The following PLA2G6 variants were observed in gnomAD, a reference collection of about 807,000 sequenced individuals.
PLA2G6 encodes the protein 85/88 kDa calcium-independent phospholipase A2.
PLA2G6 carries 62 observed loss-of-function variants against 83.8 expected under a neutral mutation model. The observed-to-expected ratio is 0.74, with a 90% CI of 0.60 to 0.91. The LOEUF (loss-of-function observed/expected upper bound fraction) is 0.91. Among genes scored for constraint, PLA2G6 ranks in the 40% least tolerant of loss-of-function variants. The pLI, the probability that PLA2G6 is intolerant of heterozygous loss-of-function variation, is 0.00. For synonymous variants in PLA2G6, 417 were observed against 449.8 expected (o/e 0.93, Z 0.92); for missense variants, 944 against 1,102.0 (o/e 0.86, Z 2.03).
At chr22:38,131,424 A>T (rs1296390849) in intron 7 of PLA2G6, 2 of 152,144 alleles carry the variant, frequency 1.3e-5, no homozygotes, top group Non-Finnish European at 2.9e-5. Context: ...TAATATTTTG[A>T]AATTTTCACA....
At position 38,145,579 on chromosome 22, in the gene PLA2G6, T is replaced by C. The variant is rs1334321192; in HGVS notation, c.284A>G (p.Tyr95Cys). ...HQYSSQLLPF[Y>C]ESSPQVLHTE... is the part of the protein sequence containing the mutation. ...GTGCAGGACCTGAGGGGAGCTCTCA[T>C]AGAAGGGTAGCAGCTGGGAAGAATA... is the stretch of plus-strand genomic sequence containing the variant. The change falls in exon 3 of 17, where the codon TAT becomes TGT. Residue 95 changes from tyrosine to cysteine, a missense_variant. Coordinates refer to ENST00000332509, the MANE Select transcript of PLA2G6 (RefSeq NM_003560.4). 8 of 1,613,696 alleles carry C rather than the reference T, an allele frequency of 5.0e-6. No individual in the cohort carries two copies. Among genetic ancestry groups the C allele is most frequent in the Non-Finnish European group, 6.8e-6 (8 of 1,179,914 alleles).
intron 1 of PLA2G6, among the ~76,000 whole-genome samples, chr22:38,175,984 G>A (rs2090616486): frequency 6.6e-6 from 1 of 152,148 alleles, no homozygotes; most frequent in South Asian, 2.1e-4. Flanking sequence ...GGTGATAACA[G>A]GGACCACACA....
At chr22:38,172,537 A>G (rs529554329) in intron 1 of PLA2G6, among the ~76,000 whole-genome samples, 4 of 152,212 alleles carry the variant, frequency 2.6e-5, no homozygotes, top group South Asian at 2.1e-4. Context: ...CCTTTTCCCT[A>G]TTTTCCAGAT....
chr22:38,128,544 G>A lies in PLA2G6; in HGVS notation c.1187-114C>T, dbSNP rs2088012134. Reference sequence around the variant, plus strand: ...CCCCTGTCCCAGCTCCCAGGCCCTGGGCACGTGGGCTGCTCCAGAGGCCTC... The same window carrying A: ...CCCCTGTCCCAGCTCCCAGGCCCTGAGCACGTGGGCTGCTCCAGAGGCCTC... On this transcript the variant is annotated intron_variant, in intron 8 of 16. Coordinates refer to ENST00000332509, the MANE Select transcript of PLA2G6 (RefSeq NM_003560.4). The surrounding 1 kb of genome is among the most constrained non-coding windows in gnomAD (Gnocchi z 4.4). The A allele has an allele frequency of 2.5e-6, 3 of 1,178,930 alleles. No individual in the cohort carries two copies. The highest frequency in any genetic ancestry group is 2.7e-5 in the South Asian group (2 of 74,006). The allele number at this position is 1,178,930 out of a possible 1,614,324, so 73.0% of individuals were successfully genotyped here.
rs770332365 is a variant in PLA2G6 at position 38,132,981 on chromosome 22, G to T, written c.927C>A (p.Asn309Lys). 6.4e-7 allele frequency: 1 copy of T among 1,567,808 alleles called. No individual in the cohort carries two copies. The highest frequency in any genetic ancestry group is 8.6e-7 in the Non-Finnish European group (1 of 1,156,984). ...MARMLLKRGC[N>K]VNSTSSAGNT... is the part of the protein sequence containing the mutation. ...TCCCCGCGGAGCTGGTGCTGTTCAC[G>T]TTGCAGCCCCGTTTCAGCAGCATGC... Residue 309 changes from asparagine to lysine, a missense_variant, in exon 7 of 17, where the codon AAC (asparagine) becomes AAA (lysine). By Grantham distance (94) the Asn-to-Lys change is moderately conservative. Transcript: ENST00000332509. This position sits in a 1 kb window ranked among gnomAD's most constrained non-coding sequence, Gnocchi z 5.0.
At chr22:38,124,395 C>A (rs980899910) in intron 10 of PLA2G6, among the ~76,000 whole-genome samples, 2 of 152,192 alleles carry the variant, frequency 1.3e-5, no homozygotes, top group African/African-American at 4.8e-5. Context: ...AGGTCTGCCG[C>A]CTCCTGAGTC....
intron 5 of PLA2G6, chr22:38,137,879 A>C (rs2088651593): frequency 6.6e-6 from 1 of 152,402 alleles, no homozygotes; most frequent in Admixed American, 6.5e-5. Flanking sequence ...ACAGCGAGGG[A>C]GCTCCTAGTC....
intron 1 of PLA2G6, among the ~76,000 whole-genome samples, chr22:38,170,552 C>G (rs550667223): frequency 6.6e-6 from 1 of 152,242 alleles, no homozygotes; most frequent in Non-Finnish European, 1.5e-5. Context: ...GAAATTGTCC[C>G]CAGTGTTGAT....
chr22:38,148,696 A>G (rs949651397), intron 2 of PLA2G6: 4 of 621,894 alleles, frequency 6.4e-6, no homozygotes, highest in Middle Eastern at 3.2e-4. Flanking sequence ...TAGCCTAGGA[A>G]TAAGGGTGAG....
intron 13 of PLA2G6, 195 bp downstream of exon 13, chr22:38,115,880 T>G: frequency 6.8e-7 from 1 of 1,480,068 alleles, no homozygotes. Context: ...CTGAGGACTT[T>G]CCAGGGACTT....
At chr22:38,169,638 C>G (rs1393130605) in intron 1 of PLA2G6, among the ~76,000 whole-genome samples, 167 bp from the exon 2 acceptor site, 1 of 152,186 alleles carries the variant, frequency 6.6e-6, no homozygotes, top group Non-Finnish European at 1.5e-5. Context: ...AGAAACAACA[C>G]TGAGTGGGAG....
At chr22:38,145,174 T>C in intron 3 of PLA2G6, 7 of 461,604 alleles carry the variant, frequency 1.5e-5, no homozygotes, top group South Asian at 1.4e-4. Flanking sequence ...CCCAAGTAGC[T>C]AGGAGTATAG....
chr22:38,122,076 G>C (rs2235344), intron 11 of PLA2G6, among the ~76,000 whole-genome samples: 1 of 151,846 alleles, frequency 6.6e-6, no homozygotes, highest in Non-Finnish European at 1.5e-5. Context: ...TCCGCCCATG[G>C]GACTCTGTCC....
chr22:38,120,720 G>T, intron 12 of PLA2G6, 39 bp downstream of exon 12: 1 of 1,610,646 alleles, frequency 6.2e-7, no homozygotes, highest in Non-Finnish European at 8.5e-7. Context: ...GCCACAGTGG[G>T]CACAGCTGCG....
chr22:38,132,873 G>T lies in PLA2G6; in HGVS notation c.1035C>A (p.Ala345=). ...VLLTHGANAD[A]RGEHGNTPLH... The stretch of plus-strand genomic sequence containing the variant: ...GCGGGGTGTTGCCGTGCTCTCCGCG[G>T]GCATCCGCGTTGGCCCCGTGGGTCA... Residue 345 remains alanine (A), a synonymous_variant, in exon 7 of 17, where the codon GCC becomes GCA. Coordinates refer to ENST00000332509, the MANE Select transcript of PLA2G6 (RefSeq NM_003560.4). This position sits in a 1 kb window ranked among gnomAD's most constrained non-coding sequence, Gnocchi z 5.0. 6.4e-7 allele frequency: 1 copy of T among 1,553,240 alleles called. No homozygotes were observed. Among genetic ancestry groups the T allele is most frequent in the Non-Finnish European group, 8.7e-7 (1 of 1,149,472 alleles).
intron 9 of PLA2G6, chr22:38,127,334 G>A (rs760313702): frequency 5.4e-6 from 7 of 1,296,916 alleles, no homozygotes; most frequent in East Asian, 1.1e-4. Context: ...TAAGAAGGAC[G>A]GATTAGGGAG....
intron 2 of PLA2G6, among the ~76,000 whole-genome samples, chr22:38,154,780 A>G (rs1482336225): frequency 6.6e-6 from 1 of 152,252 alleles, no homozygotes; most frequent in African/African-American, 2.4e-5. Context: ...TTAAGGTACC[A>G]GTGGCCAATT....
intron 4 of PLA2G6, chr22:38,142,867 G>A (rs969977938): frequency 2.9e-5 from 17 of 585,620 alleles, no homozygotes; most frequent in Middle Eastern, 4.7e-4. Context: ...TTATTTTGCT[G>A]GGTTGGAGGC....
chr22:38,120,800 C>G lies in PLA2G6; in HGVS notation c.1701G>C (p.Glu567Asp). 1.2e-6 allele frequency: 2 copies of G among 1,613,938 alleles called. No homozygotes were observed. Among genetic ancestry groups the G allele is most frequent in the Non-Finnish European group, 1.7e-6 (2 of 1,180,044 alleles). The change falls in exon 12 of 17, where the codon GAG becomes GAC. Residue 567 changes from glutamate (E) to aspartate (D), a missense_variant. Physicochemically the swap from Glu to Asp is conservative, Grantham distance 45. Coordinates refer to ENST00000332509, the MANE Select transcript of PLA2G6 (RefSeq NM_003560.4). ...CCGTCATCTTGGTGTGCTCCCCAAA[C>G]TCCCGCTTCAGGAACTCCTCCAGGG... ...SGPLEEFLKR[E>D]FGEHTKMTDV...
Sources: gnomAD v4.1 joint callset for allele counts (sites outside exome capture counted in the v4.1 genomes callset) on GRCh38, gnomAD v4.1.1 for gene constraint, Gnocchi (gnomAD v3.1) non-coding constraint, MANE v1.5 for transcripts, NCBI Gene and HGNC (gene_info 2026-07-23, HGNC 2026-07-21) for gene names.